The following MKNK2 variants were observed in gnomAD, a reference collection of about 807,000 sequenced individuals.
MKNK2 encodes the protein MAPK interacting serine/threonine kinase 2.
A neutral mutation model predicts 55.0 loss-of-function variants in MKNK2; 54 were observed. The observed-to-expected ratio is 0.98, with a 90% CI of 0.79 to 1.23. MKNK2 has a LOEUF of 1.23. Among genes scored for constraint, MKNK2 ranks in the 50% most tolerant of loss-of-function variants. MKNK2 has a pLI of 0.00. For missense variants in MKNK2, 685 were observed against 632.1 expected (o/e 1.08, Z -0.90); for synonymous variants, 323 against 256.0 (o/e 1.26, Z -2.50).
rs2016909999 is a variant in MKNK2 at position 2,042,451 on chromosome 19, G to A, written c.726C>T (p.Ile242=). Residue 242 remains isoleucine, a synonymous_variant, in exon 10 of 14, where the codon ATC becomes ATT. Coordinates refer to ENST00000250896, the MANE Select transcript of MKNK2 (RefSeq NM_199054.3). ...GIKLNGDCSP[I]STPELLTPCG... is the part of the protein sequence containing the mutation. ...CCGGAGTGAGCAGCTCCGGGGTGGA[G>A]ATAGGGGAGCAGTCCCCGTTGAGTT... 1 of 1,588,050 alleles carries A rather than the reference G, an allele frequency of 6.3e-7. No homozygotes were observed.
intron 10 of MKNK2, 62 bp from the exon 11 acceptor site, chr19:2,042,096 G>C: frequency 1.5e-6 from 2 of 1,369,968 alleles, no homozygotes; most frequent in Non-Finnish European, 1.9e-6. Flanking sequence ...AACCGAGCCC[G>C]GGTAACTGCG....
chr19:2,040,533 T>C (rs1003157701), intron 12 of MKNK2: 39 of 326,432 alleles, frequency 1.2e-4, no homozygotes, highest in African/African-American at 7.3e-4. Flanking sequence ...TGCAAGGAGA[T>C]TGGAGGCCCC....
At position 2,050,679 on chromosome 19, in the gene MKNK2, G is replaced by T. The variant is rs1006000259; in HGVS notation, c.51+122C>A. Reference sequence around the variant, plus strand: ...GCACGGCCGGCCCGGGCAGCCCCGGGTGTAGGGCGGGGGCCAGGCACGAGC... The same window carrying T: ...GCACGGCCGGCCCGGGCAGCCCCGGTTGTAGGGCGGGGGCCAGGCACGAGC... On this transcript the variant is annotated intron_variant, in intron 2 of 13. Coordinates refer to ENST00000250896, the MANE Select transcript of MKNK2 (RefSeq NM_199054.3). 92 of 911,382 alleles carry T rather than the reference G, an allele frequency of 1.0e-4. 1 individual carries two copies. In the South Asian group the frequency reaches 1.5e-3, roughly 15 times the overall value. 56.5% of individuals were successfully genotyped at this position (911,382 alleles called of 1,614,324 possible). A position where few individuals can be genotyped will look rare whatever the true frequency, so the allele number is the denominator to read the frequency against.
chr19:2,046,312 G>A (rs1455153786), intron 4 of MKNK2, 29 bp from the exon 5 acceptor site: 1 of 1,603,278 alleles, frequency 6.2e-7, no homozygotes, highest in Non-Finnish European at 8.5e-7. Context: ...GGCGTGAGAG[G>A]GACCCTGGCT....
Position 2,043,212 on chromosome 19 carries a change from G to T in MKNK2, c.420-15C>A. ...CTAGGACGTTCCTGGGGTGGGGGTG[G>T]GGGCAGGAGAGGAGCTGAGGCTTCC... On this transcript the variant is annotated splice_polypyrimidine_tract_variant and intron_variant, in intron 6 of 13. Transcript: ENST00000250896. 2 of 1,594,168 alleles carry T rather than the reference G, an allele frequency of 1.3e-6. No homozygotes were observed. Among genetic ancestry groups the T allele is most frequent in the Non-Finnish European group, 8.6e-7 (1 of 1,162,570 alleles).
In MKNK2 at chr19:2,050,804, G is replaced by A. The variant is rs768284420; in HGVS notation, c.48C>T (p.Phe16=). 1.3e-6 allele frequency: 2 copies of A among 1,537,562 alleles called. No individual in the cohort carries two copies. Among genetic ancestry groups the A allele is most frequent in the Non-Finnish European group, 8.8e-7 (1 of 1,141,920 alleles). ...PAELQGFHRS[F]KGQNPFELAF... ...CCAAACCGACCCCGGGCCTCACCTTGAACGAACGGTGGAAACCCTGAAGTT... is the reference window on the plus strand; with the variant it reads ...CCAAACCGACCCCGGGCCTCACCTTAAACGAACGGTGGAAACCCTGAAGTT... The change falls in exon 2 of 14, where the codon TTC becomes TTT. Residue 16 remains phenylalanine, a synonymous_variant. Coordinates refer to ENST00000250896, the MANE Select transcript of MKNK2 (RefSeq NM_199054.3).
At chr19:2,046,143 G>C (rs376380217) in intron 5 of MKNK2, 43 bp downstream of exon 5, 1 of 1,575,984 alleles carries the variant, frequency 6.3e-7, no homozygotes, top group Non-Finnish European at 8.7e-7. Flanking sequence ...GCTCAACACC[G>C]ATCCCAAGGC....
rs1490793020 is a variant in MKNK2, at chr19:2,051,132, C to G, written c.-133G>C. Reference sequence around the variant, plus strand: ...TTGGGCCGGGGCCGCAGTGCCGCCGCCGCCCCACGTCGCGCAGCCCGGACC... The same window carrying G: ...TTGGGCCGGGGCCGCAGTGCCGCCGGCGCCCCACGTCGCGCAGCCCGGACC... On this transcript the variant is annotated 5_prime_UTR_variant, in exon 1 of 14. Transcript: ENST00000250896. 3 of 181,740 alleles carry G rather than the reference C, an allele frequency of 1.7e-5. No homozygotes were observed. Among genetic ancestry groups the G allele is most frequent in the African/African-American group, 7.1e-5 (3 of 42,086 alleles). The allele number at this position is 181,740 out of a possible 1,614,324, so 11.3% of individuals were successfully genotyped here. A position where few individuals can be genotyped will look rare whatever the true frequency, so the allele number is the denominator to read the frequency against.
At position 2,039,173 on chromosome 19, in the gene MKNK2, A is replaced by T. The variant is rs1266715419; in HGVS notation, c.*440T>A. On this transcript the variant is annotated 3_prime_UTR_variant, in exon 14 of 14. Coordinates refer to ENST00000250896, the MANE Select transcript of MKNK2 (RefSeq NM_199054.3). ...CCTGAAATACTGCGGGCTGGGAGGG[A>T]ACACGAGGGCAGGGTCCTGTGCCCC... The T allele has an allele frequency of 6.0e-6, 6 of 1,002,564 alleles. No individual in the cohort carries two copies. In the East Asian group the frequency reaches 6.1e-4, roughly 101 times the overall value. The allele number at this position is 1,002,564 out of a possible 1,614,324, so 62.1% of individuals were successfully genotyped here.
At chr19:2,050,721 AG>A in intron 2 of MKNK2, 79 bp downstream of exon 2, 2 of 1,359,066 alleles carry the variant, frequency 1.5e-6, no homozygotes, top group Non-Finnish European at 2.0e-6. Flanking sequence ...AGCCGATCTT[AG>A]GGGCGGGCCC....
chr19:2,043,008 C>A, intron 7 of MKNK2, 116 bp downstream of exon 7: 2 of 1,294,208 alleles, frequency 1.5e-6, no homozygotes, highest in African/African-American at 1.5e-5. Flanking sequence ...CACCCCTGAG[C>A]CACCATTTGG....
chr19:2,037,790 G>T lies in MKNK2; in HGVS notation c.*1823C>A. 1 of 1,607,808 alleles carries T rather than the reference G, an allele frequency of 6.2e-7. No homozygotes were observed. The highest frequency in any genetic ancestry group is 1.1e-5 in the South Asian group (1 of 90,710). ...CCAGTCCTCCAGGTCGCACGTGGAT[G>T]CGACAGGGGTGGGGAGGGAGGAGGA... On this transcript the variant is annotated 3_prime_UTR_variant, in exon 14 of 14. Coordinates refer to ENST00000250896, the MANE Select transcript of MKNK2 (RefSeq NM_199054.3).
chr19:2,041,719 A>G (rs1368414339), intron 11 of MKNK2, 121 bp downstream of exon 11: 1 of 771,498 alleles, frequency 1.3e-6, no homozygotes, highest in South Asian at 1.9e-5. Flanking sequence ...GGGGGTGGTC[A>G]GGGGGCAGGT....
At chr19:2,040,950 G>A (rs757023369) in intron 12 of MKNK2, 90 bp downstream of exon 12, 3 of 1,294,192 alleles carry the variant, frequency 2.3e-6, no homozygotes, top group East Asian at 4.6e-5. Flanking sequence ...AGGGTGTCCA[G>A]GCTACACCCT....
rs2145680733 is a variant in MKNK2 at position 2,038,368 on chromosome 19, TG to T, written c.*1244del. On this transcript the variant is annotated 3_prime_UTR_variant, in exon 14 of 14. Transcript: ENST00000250896. ...GGGCTGCGCCGGGAAGGGCGGGCGG[TG>T]ACCCTAGCCGCGCGCACTTCTAAAG... 1.0e-6 allele frequency: 1 copy of T among 985,894 alleles called. No homozygotes were observed. The highest frequency in any genetic ancestry group is 1.2e-6 in the Non-Finnish European group (1 of 830,290). 61.1% of individuals were successfully genotyped at this position (985,894 alleles called of 1,614,324 possible).
Position 2,042,182 on chromosome 19 carries a change from G to A in MKNK2, c.751-148C>T, listed in dbSNP as rs978606599. The A allele has an allele frequency of 5.1e-6, 4 of 785,960 alleles. 1 individual carries two copies. The highest frequency in any genetic ancestry group is 5.7e-6 in the Non-Finnish European group (3 of 530,350). 48.7% of individuals were successfully genotyped at this position (785,960 alleles called of 1,614,324 possible). ...CAGCGGCTGCCGGGAACGCGCCCCC[G>A]CCCAATCAGCAGGTGCAGAGCTCGC... On this transcript the variant is annotated intron_variant, in intron 10 of 13. Transcript: ENST00000250896.
At chr19:2,040,926 C>A in intron 12 of MKNK2, 114 bp downstream of exon 12, 1 of 1,032,746 alleles carries the variant, frequency 9.7e-7, no homozygotes, top group Admixed American at 1.9e-5. Context: ...TGCTCTCAAG[C>A]CTCAGTGCAT....
At position 2,039,858 on chromosome 19, in the gene MKNK2, T is replaced by C. The variant is rs2016837692; in HGVS notation, c.1155-2A>G. Reference sequence around the variant, plus strand: ...GTGAGGTCTTTGGCACAGCTGTTCCTGGGAAACGGGGTGGGGGTAGGTGGT... The same window carrying C: ...GTGAGGTCTTTGGCACAGCTGTTCCCGGGAAACGGGGTGGGGGTAGGTGGT... On this transcript the variant is annotated splice_acceptor_variant, in intron 13 of 13. Transcript: ENST00000250896. LOFTEE classifies it high-confidence loss of function. 6.3e-7 allele frequency: 1 copy of C among 1,589,480 alleles called. No individual in the cohort carries two copies. The highest frequency in any genetic ancestry group is 8.5e-7 in the Non-Finnish European group (1 of 1,170,046).
At position 2,037,972 on chromosome 19, in the gene MKNK2, A is replaced by T; in HGVS notation, c.*1641T>A. The stretch of plus-strand genomic sequence containing the variant: ...AAAAGGCAGAGAATCCCCCGTTACG[A>T]AACATGGAATCACTGACAGGCGAGA... On this transcript the variant is annotated 3_prime_UTR_variant, in exon 14 of 14. Coordinates refer to ENST00000250896, the MANE Select transcript of MKNK2 (RefSeq NM_199054.3). The T allele has an allele frequency of 7.2e-7, 1 of 1,380,978 alleles. No individual in the cohort carries two copies. The highest frequency in any genetic ancestry group is 9.5e-7 in the Non-Finnish European group (1 of 1,057,638). 85.5% of individuals were successfully genotyped at this position (1,380,978 alleles called of 1,614,324 possible).
Sources: gnomAD v4.1 joint callset for allele counts on GRCh38, gnomAD v4.1.1 for gene constraint, MANE v1.5 for transcripts, NCBI Gene and HGNC (gene_info 2026-07-23, HGNC 2026-07-21) for gene names.